Variants in CMBL observed in about 807,000 individuals in gnomAD.
CMBL encodes the protein carboxymethylenebutenolidase homolog (Pseudomonas).
A neutral mutation model predicts 28.7 loss-of-function variants in CMBL; 17 were observed. The observed-to-expected ratio is 0.59, with a 90% CI of 0.41 to 0.89. The LOEUF is 0.89. Ranked by LOEUF, CMBL falls within the 40% of genes least tolerant of loss-of-function variation. The probability of loss-of-function intolerance (pLI) is 0.00; values close to 1 mark genes in which losing one functional copy is unlikely to be tolerated. For missense variants in CMBL, 310 were observed against 298.5 expected, an observed-to-expected ratio of 1.04 and a Z score of -0.28; for synonymous variants, 106 against 101.6, an observed-to-expected ratio of 1.04 and a Z score of -0.26.
intron 1 of CMBL, among the ~76,000 whole-genome samples, chr5:10,296,361 A>G (rs983253938): frequency 2.6e-5 from 4 of 151,788 alleles, no homozygotes; most frequent in Non-Finnish European, 5.9e-5. Context: ...GCTCACTACA[A>G]CCTCCACCTA....
At chr5:10,284,610 C>A (rs925731612) in intron 4 of CMBL, among the ~76,000 whole-genome samples, 2 of 152,140 alleles carry the variant, frequency 1.3e-5, no homozygotes, top group African/African-American at 4.8e-5. Context: ...ATAAAATAGG[C>A]CTTGCGTTAG....
At chr5:10,285,151 G>A (rs922381712) in intron 4 of CMBL, among the ~76,000 whole-genome samples, 1 of 151,850 alleles carries the variant, frequency 6.6e-6, no homozygotes, top group African/African-American at 2.4e-5. Context: ...CCACAGGCAT[G>A]TGCCAGTACA....
At position 10,286,405 on chromosome 5, in the gene CMBL, G is replaced by A; in HGVS notation, c.415C>T (p.His139Tyr). The change falls in exon 4 of 6, where the codon CAT becomes TAT. Residue 139 changes from histidine to tyrosine, a missense_variant. His to Tyr is a moderately conservative substitution (Grantham distance 83). Coordinates refer to ENST00000296658, the MANE Select transcript of CMBL (RefSeq NM_138809.4). ...TCTGAGTATTTCATCATCAAATGAT[G>A]GACAGCAGTTCCACCCCAGCAGAAT... Reference protein sequence around the residue: ...VGFCWGGTAVHHLMMKYSEFR... With the variant: ...VGFCWGGTAVYHLMMKYSEFR... 1.2e-6 allele frequency: 2 copies of A among 1,614,048 alleles called. No individual in the cohort carries two copies. Among genetic ancestry groups the A allele is most frequent in the Non-Finnish European group, 1.7e-6 (2 of 1,179,972 alleles).
At chr5:10,282,143 G>C in intron 5 of CMBL, 54 bp downstream of exon 5, 1 of 1,263,256 alleles carries the variant, frequency 7.9e-7, no homozygotes. Context: ...CTGGGCGACA[G>C]AGCGAGACTC....
Position 10,278,323 on chromosome 5 carries a change from C to T in CMBL, c.*2130G>A, listed in dbSNP as rs1746430296. Among the ~76,000 whole-genome samples, 1 of 152,066 alleles carries T rather than the reference C, an allele frequency of 6.6e-6. No individual in the cohort carries two copies. The highest frequency in any genetic ancestry group is 1.5e-5 in the Non-Finnish European group (1 of 68,008). On this transcript the variant is annotated 3_prime_UTR_variant, in exon 6 of 6. Coordinates refer to ENST00000296658, the MANE Select transcript of CMBL (RefSeq NM_138809.4). ...CAAGGTGGTCGATCCAGACATCTGC[C>T]TTACAAAACCGCCTCCTGGGACCAC...
chr5:10,290,050 G>C (rs1746677794), intron 2 of CMBL, among the ~76,000 whole-genome samples: 1 of 152,218 alleles, frequency 6.6e-6, no homozygotes, highest in Non-Finnish European at 1.5e-5. Flanking sequence ...GGTAAACTTG[G>C]GGAGGGGAGC....
At chr5:10,286,648 C>T (rs1257094363) in intron 3 of CMBL, 152 bp from the exon 4 acceptor site, 1 of 626,088 alleles carries the variant, frequency 1.6e-6, no homozygotes, top group East Asian at 3.0e-5. Flanking sequence ...ACCTCTGGCC[C>T]AACTGATGCA....
At chr5:10,288,390 C>G (rs759756247) in intron 3 of CMBL, 32 bp downstream of exon 3, 2 of 1,529,528 alleles carry the variant, frequency 1.3e-6, no homozygotes, top group Non-Finnish European at 1.8e-6. Context: ...TGGGCCACAA[C>G]GTGCACATGG....
At chr5:10,296,525 C>G (rs1304454513) in intron 1 of CMBL, among the ~76,000 whole-genome samples, 1 of 152,212 alleles carries the variant, frequency 6.6e-6, no homozygotes, top group African/African-American at 2.4e-5. Context: ...AGGTGATCCA[C>G]TGTGCCGGGC....
At chr5:10,306,413 T>C (rs62362648) in intron 1 of CMBL, among the ~76,000 whole-genome samples, 75,883 of 150,862 alleles carry the variant, frequency 0.5, 20,728 homozygotes, top group Non-Finnish European at 0.63. Context: ...GTCTGCAAAG[T>C]AGGGGAAGGG....
intron 4 of CMBL, among the ~76,000 whole-genome samples, chr5:10,285,314 G>A (rs1234098185): frequency 3.3e-5 from 5 of 152,106 alleles, no homozygotes; most frequent in African/African-American, 9.7e-5. Flanking sequence ...GACTACAGGC[G>A]CCCACCACCA....
chr5:10,291,021 A>G (rs1404040446), intron 1 of CMBL, among the ~76,000 whole-genome samples: 2 of 152,176 alleles, frequency 1.3e-5, no homozygotes, highest in Non-Finnish European at 2.9e-5. Context: ...AAGAACTCAC[A>G]GGGAAAAGGG....
chr5:10,304,196 AC>A (rs1024011110), intron 1 of CMBL, among the ~76,000 whole-genome samples: 2 of 146,190 alleles, frequency 1.4e-5, no homozygotes, highest in African/African-American at 5.5e-5. Context: ...CCCCATCTCT[AC>A]AAAAAAAAAA....
chr5:10,298,248 A>G (rs1238288199), intron 1 of CMBL, among the ~76,000 whole-genome samples: 2 of 152,158 alleles, frequency 1.3e-5, no homozygotes, highest in Non-Finnish European at 2.9e-5. Flanking sequence ...CTAGAAATCT[A>G]AGTAGGAAAG....
chr5:10,294,341 G>T (rs1208935503), intron 1 of CMBL, among the ~76,000 whole-genome samples: 1 of 152,146 alleles, frequency 6.6e-6, no homozygotes, highest in African/African-American at 2.4e-5. Context: ...TTGGGAGGCT[G>T]AGGTGGGAGG....
intron 4 of CMBL, 188 bp downstream of exon 4, chr5:10,286,166 G>A (rs1465221097): frequency 1.8e-6 from 1 of 552,088 alleles, no homozygotes; most frequent in Non-Finnish European, 3.0e-6. Context: ...GACTCCCGGT[G>A]ACATCCTCTG....
intron 2 of CMBL, 102 bp downstream of exon 2, chr5:10,290,446 T>C (rs1746687937): frequency 7.6e-6 from 7 of 922,780 alleles, no homozygotes; most frequent in Middle Eastern, 3.0e-4. Flanking sequence ...GTACAGTAGA[T>C]ACTGTATAGT....
intron 1 of CMBL, 54 bp from the exon 2 acceptor site, chr5:10,290,835 T>C: frequency 7.4e-7 from 1 of 1,343,656 alleles, no homozygotes. Context: ...CTAAAGGCTA[T>C]AAATGGTAAG....
Position 10,289,025 on chromosome 5 carries a change from G to A in CMBL, c.216-496C>T, listed in dbSNP as rs1265755192. Among the ~76,000 whole-genome samples the A allele has an allele frequency of 6.6e-6, 1 of 152,172 alleles. No homozygotes were observed. The highest frequency in any genetic ancestry group is 2.4e-5 in the African/African-American group (1 of 41,436). On this transcript the variant is annotated intron_variant, in intron 2 of 5. Transcript: ENST00000296658. This position sits in a 1 kb window ranked among gnomAD's most constrained non-coding sequence, Gnocchi z 4.3. Reference sequence around the variant, plus strand: ...CGAAGCACAGTTTCCTATCCAGAGGGTATGTTCTAAGACGGGCAGCAGAGC... The same window carrying A: ...CGAAGCACAGTTTCCTATCCAGAGGATATGTTCTAAGACGGGCAGCAGAGC...
Sources: allele counts gnomAD v4.1 joint callset (sites outside exome capture counted in the v4.1 genomes callset), GRCh38; gene constraint gnomAD v4.1.1; non-coding constraint Gnocchi (gnomAD v3.1); transcripts MANE v1.5; gene names NCBI Gene and HGNC (gene_info 2026-07-23, HGNC 2026-07-21).